Variants in CDH2 observed in about 807,000 individuals in gnomAD.
CDH2 encodes cadherin 2, also known as cadherin-2.
In CDH2, 17 loss-of-function variants were observed where a neutral mutation model predicts 92.0. That is an observed-to-expected ratio of 0.18 (90% CI 0.13 to 0.28). The LOEUF (loss-of-function observed/expected upper bound fraction) is 0.28, where lower values mean the gene tolerates loss of function less well. Among genes scored for constraint, CDH2 ranks in the 10% least tolerant of loss-of-function variants. CDH2 has a pLI of 1.00. For synonymous variants in CDH2, 419 were observed against 415.9 expected (o/e 1.01, Z -0.09); for missense variants, 862 against 1,133.1 (o/e 0.76, Z 3.44).
chr18:28,089,151 C>A (rs376406881), intron 2 of CDH2, among the ~76,000 whole-genome samples: 1 of 152,046 alleles, frequency 6.6e-6, no homozygotes, highest in African/African-American at 2.4e-5. Flanking sequence ...ACTGGAAAAG[C>A]CTGCTTATAA....
Position 28,021,952 on chromosome 18 carries a change from C to A in CDH2, c.173-8043G>T, listed in dbSNP as rs117259435. Among the ~76,000 whole-genome samples, 1,480 of 151,960 alleles carry A rather than the reference C, an allele frequency of 9.7e-3. 10 individuals carry two copies. The highest frequency in any genetic ancestry group is 0.016 in the Non-Finnish European group (1,089 of 67,808). Reference sequence around the variant, plus strand: ...AGTTTCACAGTGTTAACAAAAGTTTCTTTTCCACAGCCACAGAGCAGTATT... The same window carrying A: ...AGTTTCACAGTGTTAACAAAAGTTTATTTTCCACAGCCACAGAGCAGTATT... On this transcript the variant is annotated intron_variant, in intron 2 of 15. Transcript: ENST00000269141.
At position 28,097,615 on chromosome 18, in the gene CDH2, T is replaced by TAA. The variant is rs1034654892; in HGVS notation, c.172+50056_172+50057dup. Among the ~76,000 whole-genome samples the TAA allele has an allele frequency of 3.2e-4, 48 of 152,322 alleles. 1 individual carries two copies. The highest frequency in any genetic ancestry group is 3.1e-3 in the Admixed American group (47 of 15,296). On this transcript the variant is annotated intron_variant, in intron 2 of 15. Coordinates refer to ENST00000269141, the MANE Select transcript of CDH2 (RefSeq NM_001792.5). ...TACAGTATTTACATAGTGTGTATTA[T>TAA]AAGTAATCTAGAGATAACTTAAAGT...
chr18:28,080,888 C>T (rs1213083151), intron 2 of CDH2, among the ~76,000 whole-genome samples: 2 of 152,170 alleles, frequency 1.3e-5, no homozygotes, highest in Admixed American at 1.3e-4. Flanking sequence ...TACAGATTTC[C>T]TATAAACTTA....
In CDH2 at chr18:27,990,914, C is replaced by G. The variant is rs2012394791; in HGVS notation, c.1345-564G>C. Among the ~76,000 whole-genome samples the G allele has an allele frequency of 3.9e-5, 6 of 152,242 alleles. 1 individual carries two copies. In the South Asian group the frequency reaches 1.2e-3, roughly 32 times the overall value. On this transcript the variant is annotated intron_variant, in intron 9 of 15. Coordinates refer to ENST00000269141, the MANE Select transcript of CDH2 (RefSeq NM_001792.5). ...CATGTATACATAATCGCACACACAC[C>G]TTTTAAAAATAATACTGTTGGTAGG...
chr18:28,011,132 A>T (rs182065716), intron 4 of CDH2, among the ~76,000 whole-genome samples: 62 of 152,224 alleles, frequency 4.1e-4, no homozygotes, highest in African/African-American at 1.4e-3. Flanking sequence ...TATGTGTTAG[A>T]ATGCTAAAAT....
chr18:28,161,826 A>G (rs1259513826), intron 1 of CDH2, among the ~76,000 whole-genome samples: 8 of 152,104 alleles, frequency 5.3e-5, no homozygotes, highest in African/African-American at 1.9e-4. Flanking sequence ...AACATTCTTG[A>G]CCTTTGGCCA....
At chr18:28,068,511 CA>C (rs1225516786) in intron 2 of CDH2, among the ~76,000 whole-genome samples, 1 of 152,074 alleles carries the variant, frequency 6.6e-6, no homozygotes, top group African/African-American at 2.4e-5. Flanking sequence ...CTAGCTAGTA[CA>C]AAACATCAAC....
chr18:28,126,985 G>A (rs990643514), intron 2 of CDH2, among the ~76,000 whole-genome samples: 10 of 152,264 alleles, frequency 6.6e-5, no homozygotes, highest in Admixed American at 3.3e-4. Context: ...AGATGCTGGA[G>A]GGGTGCTCCA....
chr18:28,072,976 T>C (rs566923562), intron 2 of CDH2, among the ~76,000 whole-genome samples: 2 of 152,176 alleles, frequency 1.3e-5, no homozygotes, highest in Non-Finnish European at 2.9e-5. Flanking sequence ...AGCATCCCTA[T>C]TACTGTCTTA....
At chr18:27,995,073 G>A (rs1271151828) in intron 7 of CDH2, among the ~76,000 whole-genome samples, 1 of 152,060 alleles carries the variant, frequency 6.6e-6, no homozygotes, top group Non-Finnish European at 1.5e-5. Context: ...AGCACTTTGG[G>A]AGGTCGAGGC....
chr18:27,995,123 C>A lies in CDH2; in HGVS notation c.1021-1486G>T, dbSNP rs542886060. 4.6e-5 allele frequency among the ~76,000 whole-genome samples: 7 copies of A among 151,726 alleles called. No homozygotes were observed. In the Middle Eastern group the frequency reaches 0.017, roughly 369 times the overall value. ...GTCAGGAGTTCAAGACTAGTCTGGCCAACATAGTGAAACCCCGTCTCTATT... is the reference window on the plus strand; with the variant it reads ...GTCAGGAGTTCAAGACTAGTCTGGCAAACATAGTGAAACCCCGTCTCTATT... On this transcript the variant is annotated intron_variant, in intron 7 of 15. Transcript: ENST00000269141.
chr18:28,114,543 G>A (rs2015464382), intron 2 of CDH2, among the ~76,000 whole-genome samples: 1 of 151,960 alleles, frequency 6.6e-6, no homozygotes, highest in Admixed American at 6.6e-5. Context: ...TCCTAAATTG[G>A]CCTGACAATT....
intron 2 of CDH2, among the ~76,000 whole-genome samples, chr18:28,053,266 C>A (rs2014227749): frequency 6.6e-6 from 1 of 152,186 alleles, no homozygotes; most frequent in Admixed American, 6.5e-5. Flanking sequence ...AAATTATTCA[C>A]TGACTTCTTA....
intron 2 of CDH2, among the ~76,000 whole-genome samples, chr18:28,015,092 A>C (rs769231968): frequency 2.2e-4 from 33 of 152,146 alleles, no homozygotes; most frequent in Admixed American, 2.6e-4. Flanking sequence ...CAAGGATCTA[A>C]GTAAAGTGTT....
chr18:28,164,726 CAATTA>C (rs2144359388), intron 1 of CDH2, among the ~76,000 whole-genome samples: 1 of 152,192 alleles, frequency 6.6e-6, no homozygotes, highest in African/African-American at 2.4e-5. Context: ...GCATATGAAA[CAATTA>C]AATTACAGAA....
rs1567958897 is a variant in CDH2 at position 28,002,976 on chromosome 18, TAG to T, written c.1020+19_1020+20del. 1.9e-6 allele frequency: 3 copies of T among 1,607,866 alleles called. No homozygotes were observed. In the East Asian group the frequency reaches 6.7e-5, roughly 36 times the overall value. ...CTTTAAGATTAAAAACAAACACAAA[TAG>T]AGTTTTTGGTTGGCTTACTTCTCGA... On this transcript the variant is annotated intron_variant, in intron 7 of 15. Transcript: ENST00000269141.
intron 2 of CDH2, among the ~76,000 whole-genome samples, chr18:28,106,298 T>G (rs991450323): frequency 1.3e-5 from 2 of 152,088 alleles, no homozygotes; most frequent in Non-Finnish European, 2.9e-5. Flanking sequence ...GCACCTGTAG[T>G]CCCAGCTACT....
Position 28,040,290 on chromosome 18 carries a change from T to A in CDH2, c.173-26381A>T, listed in dbSNP as rs139348465. On this transcript the variant is annotated intron_variant, in intron 2 of 15. Transcript: ENST00000269141. ...TAATAGTACTCCTAACTTATAGCTATGAAGCACGTTAAATGATGCAAAACT... is the reference window on the plus strand; with the variant it reads ...TAATAGTACTCCTAACTTATAGCTAAGAAGCACGTTAAATGATGCAAAACT... Among the ~76,000 whole-genome samples the A allele has an allele frequency of 5.9e-5, 9 of 152,272 alleles. No homozygotes were observed. In the East Asian group the frequency reaches 7.7e-4, roughly 13 times the overall value.
At chr18:28,154,579 A>T (rs887128268) in intron 1 of CDH2, among the ~76,000 whole-genome samples, 4 of 152,134 alleles carry the variant, frequency 2.6e-5, no homozygotes, top group African/African-American at 9.7e-5. Flanking sequence ...ACTCGCAGGG[A>T]CATTGTTTTT....
Sources: gnomAD v4.1 joint callset for allele counts (sites outside exome capture counted in the v4.1 genomes callset) on GRCh38, gnomAD v4.1.1 for gene constraint, MANE v1.5 for transcripts, NCBI Gene and HGNC (gene_info 2026-07-23, HGNC 2026-07-21) for gene names.